THRAP3: variants seen among roughly 807,000 people sequenced by gnomAD.
THRAP3 encodes the protein thyroid hormone receptor associated protein 3.
THRAP3 carries 16 observed loss-of-function variants against 101.0 expected under a neutral mutation model. That is an observed-to-expected ratio of 0.16 (90% CI 0.11 to 0.24). THRAP3 has a LOEUF of 0.24. Among genes scored for constraint, THRAP3 ranks in the 10% least tolerant of loss-of-function variants. The pLI is 1.00. For synonymous variants in THRAP3, 407 were observed against 422.6 expected (o/e 0.96, Z 0.45); for missense variants, 989 against 1,202.7 (o/e 0.82, Z 2.63).
At chr1:36,213,950 AGAAAGAAAGAAGGAAAG>A in the THRAP3 span, among the ~76,000 whole-genome samples, 5 of 124,364 alleles carry the variant, frequency 4.0e-5, no homozygotes, top group African/African-American at 1.9e-4. Flanking sequence ...AAAGAAAGAA[AGAAAGAAAGAAGGAAAG>A]AGAAAGAAAG....
At chr1:36,257,075 G>T (rs1645385375) in intron 1 of THRAP3, among the ~76,000 whole-genome samples, 2 of 152,156 alleles carry the variant, frequency 1.3e-5, no homozygotes, top group African/African-American at 4.8e-5. Context: ...GGGATTACAG[G>T]TGTGAGCCAC....
At chr1:36,231,049 A>G (rs1020908683) in intron 1 of THRAP3, among the ~76,000 whole-genome samples, 1 of 152,094 alleles carries the variant, frequency 6.6e-6, no homozygotes, top group Non-Finnish European at 1.5e-5. Context: ...ATACCTTTCT[A>G]TTACTTGTCT....
chr1:36,213,754 G>C, the THRAP3 span, among the ~76,000 whole-genome samples: 1 of 151,730 alleles, frequency 6.6e-6, no homozygotes, highest in Non-Finnish European at 1.5e-5. Context: ...GGCTGAGGCA[G>C]GAGAATCGCT....
chr1:36,241,385 GTATATATATATATATATATATATATA>G (rs1166260923), intron 1 of THRAP3, among the ~76,000 whole-genome samples: 10 of 8,650 alleles, frequency 1.2e-3, no homozygotes, highest in African/African-American at 1.4e-3. Flanking sequence ...GATAATGGGT[GTATATATATATATATATATATATATA>G]TATATATATA....
At chr1:36,261,699 A>G (rs935586053) in intron 2 of THRAP3, among the ~76,000 whole-genome samples, 4 of 152,168 alleles carry the variant, frequency 2.6e-5, no homozygotes, top group Non-Finnish European at 5.9e-5. Flanking sequence ...GTCTCTAGAT[A>G]GCTTCGAGTA....
At chr1:36,225,076 A>T (rs1208370177) in intron 1 of THRAP3, 2 of 152,254 alleles carry the variant, frequency 1.3e-5, no homozygotes, top group Admixed American at 6.5e-5. Flanking sequence ...TTCCAGTGGC[A>T]ATCGGCGTGA....
intron 1 of THRAP3, among the ~76,000 whole-genome samples, chr1:36,241,188 G>A (rs1481909613): frequency 1.2e-4 from 4 of 33,328 alleles, no homozygotes; most frequent in Non-Finnish European, 1.3e-4. Context: ...GCAAGACTCC[G>A]TTTCAAAAAA....
At chr1:36,236,249 CAGACTG>C (rs1645086838) in intron 1 of THRAP3, among the ~76,000 whole-genome samples, 1 of 49,912 alleles carries the variant, frequency 2.0e-5, no homozygotes, top group South Asian at 1.0e-3. Flanking sequence ...ACCTTCATGA[CAGACTG>C]GGCGCAAAAA....
At chr1:36,280,645 T>G (rs1645718823) in intron 2 of THRAP3, among the ~76,000 whole-genome samples, 1 of 152,244 alleles carries the variant, frequency 6.6e-6, no homozygotes, top group Non-Finnish European at 1.5e-5. Context: ...CCCTGGAGTT[T>G]GGGCCTGGTT....
chr1:36,243,983 A>C, intron 1 of THRAP3, among the ~76,000 whole-genome samples: 1 of 110,318 alleles, frequency 9.1e-6, no homozygotes, highest in Admixed American at 9.1e-5. Flanking sequence ...TGAACCCCCC[A>C]CCTCCCTCCC....
chr1:36,238,775 A>G (rs1049761861), intron 1 of THRAP3, among the ~76,000 whole-genome samples: 2 of 151,580 alleles, frequency 1.3e-5, no homozygotes, highest in East Asian at 1.9e-4. Flanking sequence ...GTGCAGTCAT[A>G]GCTTACTACT....
At chr1:36,277,053 C>T (rs1484391500) in intron 2 of THRAP3, among the ~76,000 whole-genome samples, 1 of 151,570 alleles carries the variant, frequency 6.6e-6, no homozygotes, top group Non-Finnish European at 1.5e-5. Flanking sequence ...ACTGCAACCT[C>T]CGCCTCCCAG....
At chr1:36,269,751 A>T (rs1482401551) in intron 2 of THRAP3, among the ~76,000 whole-genome samples, 7 of 149,054 alleles carry the variant, frequency 4.7e-5, no homozygotes, top group South Asian at 2.1e-4. Context: ...TTTTTTTTTT[A>T]AATCTTCTGT....
At chr1:36,300,022 A>C (rs553798848) in intron 9 of THRAP3, among the ~76,000 whole-genome samples, 2 of 151,888 alleles carry the variant, frequency 1.3e-5, no homozygotes, top group South Asian at 4.2e-4. Context: ...TGGCTCTGCT[A>C]CTCCTCCACT....
intron 2 of THRAP3, among the ~76,000 whole-genome samples, chr1:36,259,686 A>G (rs1645419688): frequency 6.6e-6 from 1 of 151,150 alleles, no homozygotes; most frequent in Admixed American, 6.6e-5. Flanking sequence ...GGATAGCTTG[A>G]GCTCAGTAGT....
At chr1:36,269,132 T>C (rs959808593) in intron 2 of THRAP3, among the ~76,000 whole-genome samples, 6 of 152,220 alleles carry the variant, frequency 3.9e-5, no homozygotes, top group African/African-American at 1.4e-4. Context: ...CCTGAGGGCA[T>C]GGACTTTACT....
chr1:36,277,853 A>G (rs1419948910), intron 2 of THRAP3, among the ~76,000 whole-genome samples: 1 of 151,940 alleles, frequency 6.6e-6, no homozygotes, highest in East Asian at 1.9e-4. Flanking sequence ...TCTGCCCCCC[A>G]GGTTCAGTCG....
At chr1:36,220,770 A>G (rs1486263644), upstream of THRAP3, among the ~76,000 whole-genome samples, 1 of 151,604 alleles carries the variant, frequency 6.6e-6, no homozygotes, top group Non-Finnish European at 1.5e-5. Flanking sequence ...CCTGACTAAC[A>G]TGGCGAAAAC....
At chr1:36,255,365 G>C (rs1043674447) in intron 1 of THRAP3, among the ~76,000 whole-genome samples, 2 of 151,504 alleles carry the variant, frequency 1.3e-5, no homozygotes, top group Non-Finnish European at 2.9e-5. Context: ...ACTGTGGCTC[G>C]CACTGTAATC....
Sources: allele counts gnomAD v4.1 joint callset (sites outside exome capture counted in the v4.1 genomes callset), GRCh38; gene constraint gnomAD v4.1.1; transcripts MANE v1.5; gene names NCBI Gene and HGNC (gene_info 2026-07-23, HGNC 2026-07-21).